DNAJB4: variants seen among roughly 807,000 people sequenced by gnomAD.
The protein encoded by DNAJB4 is DnaJ heat shock protein family (Hsp40) member B4.
DNAJB4 carries 10 observed loss-of-function variants against 26.6 expected under a neutral mutation model. The ratio of observed to expected loss-of-function variants is 0.38; its 90% CI spans 0.23 to 0.64. DNAJB4 has a LOEUF of 0.64. Ranked by LOEUF, DNAJB4 falls within the 30% of genes least tolerant of loss-of-function variation. DNAJB4 has a pLI of 0.58. For missense variants in DNAJB4, 328 were observed against 408.2 expected (o/e 0.80, Z 1.69); for synonymous variants, 136 against 134.8 (o/e 1.01, Z -0.06).
chr1:77,988,228 G>T (rs1415061991), intron 1 of DNAJB4, among the ~76,000 whole-genome samples: 2 of 151,878 alleles, frequency 1.3e-5, no homozygotes, highest in African/African-American at 2.4e-5. Flanking sequence ...TTGTTATATT[G>T]TCCAGGCTAG....
intron 1 of DNAJB4, among the ~76,000 whole-genome samples, chr1:77,988,867 C>T (rs1659864326): frequency 6.6e-6 from 1 of 152,108 alleles, no homozygotes; most frequent in Non-Finnish European, 1.5e-5. Flanking sequence ...ATCCCTAGCA[C>T]CTAGAAAGGT....
intron 1 of DNAJB4, among the ~76,000 whole-genome samples, chr1:77,998,395 A>G (rs977798120): frequency 1.3e-5 from 2 of 152,218 alleles, no homozygotes; most frequent in East Asian, 3.8e-4. Context: ...GTCATTGCCT[A>G]AAAAAGGACA....
upstream of DNAJB4, among the ~76,000 whole-genome samples, chr1:77,979,830 A>C (rs1324173724): frequency 6.6e-6 from 1 of 152,104 alleles, no homozygotes; most frequent in African/African-American, 2.4e-5. Context: ...TGTTAGCCAG[A>C]TTTAATAACC....
rs556479059 is a variant in DNAJB4 at position 77,986,332 on chromosome 1, C to A, written c.-32+6010C>A. ...AATGCAATTTCCTCACTACTTATGG[C>A]CACAGCCTGCATCTAGTCTTCATCC... On this transcript the variant is annotated intron_variant, in intron 1 of 2. Coordinates refer to the DNAJB4 transcript ENST00000426517. 2.0e-5 allele frequency among the ~76,000 whole-genome samples: 3 copies of A among 152,308 alleles called. No individual in the cohort carries two copies. In the South Asian group the frequency reaches 6.2e-4, roughly 32 times the overall value.
chr1:78,012,445 A>C (rs1660512464), intron 1 of DNAJB4, among the ~76,000 whole-genome samples: 1 of 151,184 alleles, frequency 6.6e-6, no homozygotes, highest in Admixed American at 6.6e-5. Context: ...TACAGGCATG[A>C]GCCTCTGCGC....
intron 1 of DNAJB4, among the ~76,000 whole-genome samples, chr1:77,987,135 C>CT (rs1659810145): frequency 6.6e-6 from 1 of 152,222 alleles, no homozygotes; most frequent in South Asian, 2.1e-4. Flanking sequence ...AGAGGCCCCA[C>CT]TTTCCTAGTA....
chr1:78,002,940 C>T (rs960949525), upstream of DNAJB4, among the ~76,000 whole-genome samples: 3 of 152,004 alleles, frequency 2.0e-5, no homozygotes, highest in Non-Finnish European at 4.4e-5. Flanking sequence ...ATGAAAGACC[C>T]GGTCTTCAGG....
intron 1 of DNAJB4, among the ~76,000 whole-genome samples, chr1:77,983,803 C>G (rs868647365): frequency 1.4e-4 from 22 of 152,172 alleles, no homozygotes; most frequent in South Asian, 8.3e-4. Flanking sequence ...TACACAGACA[C>G]AGTAACAATC....
At chr1:78,003,686 G>A (rs1660247088), upstream of DNAJB4, among the ~76,000 whole-genome samples, 1 of 152,018 alleles carries the variant, frequency 6.6e-6, no homozygotes, top group East Asian at 1.9e-4. Context: ...TTGAAAAGAT[G>A]AGAAAACCAT....
At chr1:78,004,018 T>G (rs1660255288), upstream of DNAJB4, among the ~76,000 whole-genome samples, 1 of 152,202 alleles carries the variant, frequency 6.6e-6, no homozygotes, top group African/African-American at 2.4e-5. Flanking sequence ...GAAAAAATAT[T>G]TCTCATATTA....
At chr1:77,990,128 C>G (rs1162763459) in intron 1 of DNAJB4, among the ~76,000 whole-genome samples, 2 of 152,190 alleles carry the variant, frequency 1.3e-5, no homozygotes, top group Non-Finnish European at 2.9e-5. Flanking sequence ...GAGAAGATAT[C>G]TGTTAGCTAG....
At chr1:77,994,280 C>G (rs933172245) in intron 1 of DNAJB4, among the ~76,000 whole-genome samples, 2 of 151,890 alleles carry the variant, frequency 1.3e-5, no homozygotes, top group Non-Finnish European at 2.9e-5. Flanking sequence ...TGCCTGTAGT[C>G]CCAGCTATTT....
chr1:78,002,392 G>A (rs2102602462), upstream of DNAJB4, among the ~76,000 whole-genome samples: 1 of 152,282 alleles, frequency 6.6e-6, no homozygotes, highest in Middle Eastern at 3.4e-3. Context: ...TAGTAGAGAA[G>A]ACATCTCAGT....
chr1:78,006,011 C>G (rs1331639228), intron 1 of DNAJB4, among the ~76,000 whole-genome samples: 1 of 152,276 alleles, frequency 6.6e-6, no homozygotes, highest in Middle Eastern at 3.4e-3. Context: ...CTCAGAAATA[C>G]AATTTTTGAC....
chr1:78,006,810 T>A (rs1327059914), intron 1 of DNAJB4, among the ~76,000 whole-genome samples: 1 of 152,228 alleles, frequency 6.6e-6, no homozygotes, highest in African/African-American at 2.4e-5. Context: ...CTACCAATAA[T>A]GTACTACTAT....
At chr1:78,015,508 TTTTTC>T (rs1244447674) in intron 2 of DNAJB4, among the ~76,000 whole-genome samples, 16 of 151,104 alleles carry the variant, frequency 1.1e-4, no homozygotes, top group East Asian at 9.7e-4. Context: ...AATTTTCCTT[TTTTTC>T]TTTTCTTTTC....
chr1:77,993,175 A>G (rs534187832), intron 1 of DNAJB4, among the ~76,000 whole-genome samples: 41 of 152,304 alleles, frequency 2.7e-4, no homozygotes, highest in African/African-American at 9.6e-4. Context: ...TTTCCTGGTA[A>G]GGGCCAGACG....
intron 1 of DNAJB4, among the ~76,000 whole-genome samples, chr1:78,010,466 G>A (rs1660439033): frequency 6.6e-6 from 1 of 151,992 alleles, no homozygotes; most frequent in African/African-American, 2.4e-5. Flanking sequence ...ATTTGGATGA[G>A]CTGCTTATGA....
rs1275431847 is a variant in DNAJB4 at position 77,989,458 on chromosome 1, C to T, written c.-32+9136C>T. ...TAAATTTACCATTTCATTTTCATTT[C>T]CCTCTTAATGTTCAATTTACCACAT... On this transcript the variant is annotated intron_variant, in intron 1 of 2. Transcript: ENST00000426517. Among the ~76,000 whole-genome samples the T allele has an allele frequency of 2.0e-5, 3 of 152,080 alleles. No homozygotes were observed. The South Asian group carries it at 6.2e-4, about 31-fold the overall frequency.
Sources: allele counts gnomAD v4.1 joint callset (sites outside exome capture counted in the v4.1 genomes callset), GRCh38; gene constraint gnomAD v4.1.1; transcripts MANE v1.5; gene names NCBI Gene and HGNC (gene_info 2026-07-23, HGNC 2026-07-21).